Variants in DTNA observed in about 807,000 individuals in gnomAD.
DTNA encodes dystrophin-related protein 3.
Under a neutral mutation model 100.7 loss-of-function variants are expected in DTNA, and 43 were observed. The ratio of observed to expected loss-of-function variants is 0.43; its 90% CI spans 0.33 to 0.55. DTNA has a LOEUF of 0.55. Among genes scored for constraint, DTNA ranks in the 20% least tolerant of loss-of-function variants. The pLI is 0.04. For synonymous variants in DTNA, 349 were observed against 347.9 expected (o/e 1.00, Z -0.04); for missense variants, 798 against 953.9 (o/e 0.84, Z 2.15).
intron 4 of DTNA, among the ~76,000 whole-genome samples, chr18:34,794,853 A>T (rs2149053972): frequency 6.6e-6 from 1 of 152,280 alleles, no homozygotes; most frequent in South Asian, 2.1e-4. Flanking sequence ...GCTGGCTGAG[A>T]TCTTAAAGGC....
intron 1 of DTNA, among the ~76,000 whole-genome samples, chr18:34,589,082 A>G (rs1273081147): frequency 1.3e-5 from 2 of 151,860 alleles, no homozygotes; most frequent in Non-Finnish European, 2.9e-5. Flanking sequence ...GCATGATTAC[A>G]GTTATTTTCA....
At chr18:34,781,542 A>T (rs1005853304) in intron 3 of DTNA, among the ~76,000 whole-genome samples, 1 of 152,072 alleles carries the variant, frequency 6.6e-6, no homozygotes, top group Non-Finnish European at 1.5e-5. Flanking sequence ...TCTTTATACT[A>T]TATTGATTTA....
intron 1 of DTNA, among the ~76,000 whole-genome samples, chr18:34,655,941 A>G (rs2074304323): frequency 6.6e-6 from 1 of 152,170 alleles, no homozygotes; most frequent in South Asian, 2.1e-4. Context: ...TTCACATTCT[A>G]CCCTTTTAAA....
intron 3 of DTNA, among the ~76,000 whole-genome samples, chr18:34,793,785 T>G (rs979100056): frequency 1.3e-5 from 2 of 152,212 alleles, no homozygotes; most frequent in African/African-American, 4.8e-5. Context: ...ATAGCTGTAT[T>G]TCAAGAGTGA....
At chr18:34,698,259 T>C (rs2080871308) in intron 1 of DTNA, among the ~76,000 whole-genome samples, 1 of 152,212 alleles carries the variant, frequency 6.6e-6, no homozygotes, top group Admixed American at 6.5e-5. Flanking sequence ...AGAGTTGCTG[T>C]CACAAATTAC....
chr18:34,565,096 A>T (rs1312022189), intron 1 of DTNA, among the ~76,000 whole-genome samples: 1 of 152,232 alleles, frequency 6.6e-6, no homozygotes, highest in Non-Finnish European at 1.5e-5. Context: ...GCATTTTTAA[A>T]AGTCATACAA....
chr18:34,724,593 C>T (rs541123007), intron 1 of DTNA, among the ~76,000 whole-genome samples: 1 of 152,256 alleles, frequency 6.6e-6, no homozygotes, highest in East Asian at 1.9e-4. Context: ...TATCACATGG[C>T]AAGAGAGGGG....
At chr18:34,730,748 A>C (rs565049403) in intron 1 of DTNA, among the ~76,000 whole-genome samples, 1 of 152,062 alleles carries the variant, frequency 6.6e-6, no homozygotes, top group Non-Finnish European at 1.5e-5. Context: ...TATTCCTCTC[A>C]CCCTAATATC....
chr18:34,581,280 C>CAAAACAA (rs2048605366), intron 1 of DTNA, among the ~76,000 whole-genome samples: 1 of 96,372 alleles, frequency 1.0e-5, no homozygotes, highest in African/African-American at 3.1e-5. Context: ...AACAAAAAAA[C>CAAAACAA]AAAACAAAAA....
rs2096809863 is a variant in DTNA, at chr18:34,875,762, C to A, written c.1903+364C>A. Among the ~76,000 whole-genome samples, 4 of 152,114 alleles carry A rather than the reference C, an allele frequency of 2.6e-5. No homozygotes were observed. In the South Asian group the frequency reaches 8.3e-4, roughly 31 times the overall value. On this transcript the variant is annotated intron_variant, in intron 18 of 22. Coordinates refer to ENST00000444659, the MANE Select transcript of DTNA (RefSeq NM_001386795.1). ...TCTTTTCTTTATATTAAAGTCAAGA[C>A]TGAGATAAGTAATCACAGCTCTTTA...
intron 3 of DTNA, among the ~76,000 whole-genome samples, chr18:34,770,902 C>T: frequency 6.6e-6 from 1 of 151,182 alleles, no homozygotes; most frequent in East Asian, 2.0e-4. Flanking sequence ...TCTGCCTCAG[C>T]CTCCCAAGTA....
chr18:34,708,555 C>G (rs1266779838), upstream of DTNA, among the ~76,000 whole-genome samples: 1 of 152,206 alleles, frequency 6.6e-6, no homozygotes, highest in Non-Finnish European at 1.5e-5. Context: ...GCTTAACCTT[C>G]TGACTGATCA....
intron 6 of DTNA, 93 bp from the exon 7 acceptor site, chr18:34,815,816 C>T (rs2095583609): frequency 8.9e-7 from 1 of 1,124,750 alleles, no homozygotes; most frequent in South Asian, 1.3e-5. Flanking sequence ...ATTGAGTGCT[C>T]TTTTGTTTCA....
intron 1 of DTNA, among the ~76,000 whole-genome samples, chr18:34,667,219 CTGTT>C (rs1179981551): frequency 6.6e-6 from 1 of 152,128 alleles, no homozygotes; most frequent in African/African-American, 2.4e-5. Context: ...ATTTGGCTCT[CTGTT>C]TGTCTGTTAT....
chr18:34,553,733 A>T (rs984518817), intron 1 of DTNA, among the ~76,000 whole-genome samples: 1 of 151,702 alleles, frequency 6.6e-6, no homozygotes, highest in Non-Finnish European at 1.5e-5. Flanking sequence ...TGTTCCATTG[A>T]TCTATATCTC....
At chr18:34,745,473 G>C (rs1412979247) in intron 1 of DTNA, among the ~76,000 whole-genome samples, 2 of 152,154 alleles carry the variant, frequency 1.3e-5, no homozygotes, top group African/African-American at 4.8e-5. Flanking sequence ...CAATGGTTTA[G>C]AATTCTTTAA....
chr18:34,760,748 G>C (rs7229684), intron 2 of DTNA, among the ~76,000 whole-genome samples: 1 of 152,000 alleles, frequency 6.6e-6, no homozygotes, highest in Non-Finnish European at 1.5e-5. Context: ...TCATTTTGTC[G>C]CTAGAAATAT....
Position 34,827,646 on chromosome 18 carries a change from C to G in DTNA, c.1055C>G (p.Pro352Arg). The change falls in exon 10 of 23, where the codon CCC (proline) becomes CGC (arginine). Residue 352 changes from proline to arginine, a missense_variant. By Grantham distance (103) the Pro-to-Arg change is moderately radical. Coordinates refer to ENST00000444659, the MANE Select transcript of DTNA (RefSeq NM_001386795.1). ...MNDTLFSHSV[P>R]SSGSPFITRR... is the part of the protein sequence containing the mutation. ...GACACCCTGTTCTCCCACTCTGTTC[C>G]CTCCTCAGGAAGTCCTTTTATTACC... 6.2e-7 allele frequency: 1 copy of G among 1,613,940 alleles called. No individual in the cohort carries two copies. The highest frequency in any genetic ancestry group is 8.5e-7 in the Non-Finnish European group (1 of 1,179,850).
Position 34,640,057 on chromosome 18 carries a change from A to G in DTNA, c.-1-115919A>G, listed in dbSNP as rs527255938. 3.9e-5 allele frequency among the ~76,000 whole-genome samples: 6 copies of G among 152,372 alleles called. No homozygotes were observed. The South Asian group carries it at 1.2e-3, about 32-fold the overall frequency. The stretch of plus-strand genomic sequence containing the variant: ...AAGATTGCACTTCAAAAGTTCCAAT[A>G]AAAGCCTTTGATGCAAATTTCTCCT... On this transcript the variant is annotated intron_variant, in intron 1 of 19. Coordinates refer to the DTNA transcript ENST00000283365.
Sources: allele counts gnomAD v4.1 joint callset (sites outside exome capture counted in the v4.1 genomes callset), GRCh38; gene constraint gnomAD v4.1.1; transcripts MANE v1.5; gene names NCBI Gene and HGNC (gene_info 2026-07-23, HGNC 2026-07-21).